NEMP2: variants seen among roughly 807,000 people sequenced by gnomAD.
NEMP2 encodes UPF0571 transmembrane protein.
In NEMP2, 53 loss-of-function variants were observed where a neutral mutation model predicts 54.2. That is an observed-to-expected ratio of 0.98 (90% CI 0.78 to 1.23). NEMP2 has a LOEUF of 1.23. NEMP2 is among the 50% of genes most tolerant of loss of function. The probability of loss-of-function intolerance (pLI) is 0.00; values close to 1 mark genes in which losing one functional copy is unlikely to be tolerated. For synonymous variants in NEMP2, 197 were observed against 190.3 expected (o/e 1.04, Z -0.29); for missense variants, 455 against 511.3 (o/e 0.89, Z 1.06).
the NEMP2 span, among the ~76,000 whole-genome samples, chr2:190,490,735 G>T: frequency 1.3e-5 from 2 of 152,180 alleles, no homozygotes; most frequent in African/African-American, 2.4e-5. The surrounding 1 kb of genome is among the most constrained non-coding windows in gnomAD (Gnocchi z 4.5). Flanking sequence ...CAACCAGGAG[G>T]ATGAAAATAT....
Position 190,521,097 on chromosome 2 carries a change from C to G in NEMP2, c.214-1914G>C, listed in dbSNP as rs1028300975. ...CTCACTTCAAATCCATGACTGTGAACTTAAGAGAGGGACATGAAAGTTGCA... is the reference window on the plus strand; with the variant it reads ...CTCACTTCAAATCCATGACTGTGAAGTTAAGAGAGGGACATGAAAGTTGCA... On this transcript the variant is annotated intron_variant, in intron 2 of 8. Coordinates refer to ENST00000409150, the MANE Select transcript of NEMP2 (RefSeq NM_001142645.2). This position sits in a 1 kb window ranked among gnomAD's most constrained non-coding sequence, Gnocchi z 6.2. Among the ~76,000 whole-genome samples, 4 of 152,170 alleles carry G rather than the reference C, an allele frequency of 2.6e-5. No homozygotes were observed. Among genetic ancestry groups the G allele is most frequent in the African/African-American group, 9.7e-5 (4 of 41,422 alleles).
chr2:190,488,179 G>A, the NEMP2 span, among the ~76,000 whole-genome samples: 1 of 152,208 alleles, frequency 6.6e-6, no homozygotes, highest in African/African-American at 2.4e-5. The surrounding 1 kb of genome is among the most constrained non-coding windows in gnomAD (Gnocchi z 6.4). Flanking sequence ...GGGATTACAG[G>A]CGTGAGCCAC....
chr2:190,600,493 G>A, the NEMP2 span, among the ~76,000 whole-genome samples: 1 of 152,208 alleles, frequency 6.6e-6, no homozygotes, highest in African/African-American at 2.4e-5. This position sits in a 1 kb window ranked among gnomAD's most constrained non-coding sequence, Gnocchi z 4.9. Context: ...TGAGGTGTTT[G>A]GGTCATGGGT....
chr2:190,568,485 G>A, the NEMP2 span, among the ~76,000 whole-genome samples: 2 of 152,118 alleles, frequency 1.3e-5, no homozygotes, highest in Non-Finnish European at 2.9e-5. This position sits in a 1 kb window ranked among gnomAD's most constrained non-coding sequence, Gnocchi z 4.7. Context: ...ATATATATAT[G>A]CCTCAGTTTT....
chr2:190,582,718 G>C, the NEMP2 span, among the ~76,000 whole-genome samples: 1 of 152,190 alleles, frequency 6.6e-6, no homozygotes, highest in Non-Finnish European at 1.5e-5. This position sits in a 1 kb window ranked among gnomAD's most constrained non-coding sequence, Gnocchi z 4.6. Context: ...GGGTGAGGAA[G>C]CATTTCTTAA....
At chr2:190,639,633 TGA>T in the NEMP2 span, among the ~76,000 whole-genome samples, 16 of 144,900 alleles carry the variant, frequency 1.1e-4, no homozygotes, top group Non-Finnish European at 1.8e-4. Flanking sequence ...TGTTTATTGT[TGA>T]GTTTTTTTTT....
Position 190,510,297 on chromosome 2 carries a change from C to G in NEMP2, c.1130+64G>C. The stretch of plus-strand genomic sequence containing the variant: ...CTACCCTGAAGTGCCTGTACCAAAC[C>G]ATCATATTATTTTTTAAATCATTCT... On this transcript the variant is annotated intron_variant, in intron 8 of 8. Coordinates refer to ENST00000409150, the MANE Select transcript of NEMP2 (RefSeq NM_001142645.2). This position sits in a 1 kb window ranked among gnomAD's most constrained non-coding sequence, Gnocchi z 5.7. The G allele has an allele frequency of 6.5e-7, 1 of 1,529,652 alleles. No homozygotes were observed. Among genetic ancestry groups the G allele is most frequent in the Admixed American group, 2.0e-5 (1 of 50,256 alleles). 94.8% of individuals were successfully genotyped at this position (1,529,652 alleles called of 1,614,324 possible).
upstream of NEMP2, among the ~76,000 whole-genome samples, chr2:190,539,488 T>C (rs1465752092): frequency 6.6e-6 from 1 of 152,160 alleles, no homozygotes; most frequent in Non-Finnish European, 1.5e-5. The surrounding 1 kb of genome is among the most constrained non-coding windows in gnomAD (Gnocchi z 4.1). Flanking sequence ...GTGAAGAATG[T>C]CATTGGTATT....
In NEMP2 at chr2:190,504,640, G is replaced by A. The variant is rs963293447; in HGVS notation, c.*4549C>T. Reference sequence around the variant, plus strand: ...TTCATTTTTCTTTTTCTTCTTAAAGGTGTCAACAAAAGTAAACAATTTTAT... The same window carrying A: ...TTCATTTTTCTTTTTCTTCTTAAAGATGTCAACAAAAGTAAACAATTTTAT... On this transcript the variant is annotated 3_prime_UTR_variant, in exon 9 of 9. Coordinates refer to ENST00000409150, the MANE Select transcript of NEMP2 (RefSeq NM_001142645.2). The surrounding 1 kb of genome is among the most constrained non-coding windows in gnomAD (Gnocchi z 5.6). 2 of 152,048 alleles carry A rather than the reference G, an allele frequency of 1.3e-5. No homozygotes were observed. The highest frequency in any genetic ancestry group is 4.8e-5 in the African/African-American group (2 of 41,378). 9.4% of individuals were successfully genotyped at this position (152,048 alleles called of 1,614,324 possible).
chr2:190,576,045 T>C, the NEMP2 span, among the ~76,000 whole-genome samples: 2 of 151,948 alleles, frequency 1.3e-5, no homozygotes, highest in African/African-American at 2.4e-5. Flanking sequence ...CGTGGTTTAC[T>C]GCAGCCTCAA....
the NEMP2 span, among the ~76,000 whole-genome samples, chr2:190,597,635 T>C: frequency 6.6e-6 from 1 of 152,158 alleles, no homozygotes; most frequent in Non-Finnish European, 1.5e-5. The surrounding 1 kb of genome is among the most constrained non-coding windows in gnomAD (Gnocchi z 4.7). Flanking sequence ...AAAACCAAAC[T>C]GATGGAGGTG....
the NEMP2 span, among the ~76,000 whole-genome samples, chr2:190,428,182 G>C: frequency 6.6e-6 from 1 of 152,100 alleles, no homozygotes; most frequent in Non-Finnish European, 1.5e-5. Flanking sequence ...TGTAGTTGTA[G>C]TTTGTTCATT....
upstream of NEMP2, among the ~76,000 whole-genome samples, chr2:190,537,306 G>A (rs765827897): frequency 3.3e-5 from 5 of 152,148 alleles, no homozygotes; most frequent in South Asian, 2.1e-4. Flanking sequence ...TGGCTGTCTC[G>A]CCACCCAAAT....
At chr2:190,437,163 C>G in the NEMP2 span, 1 of 1,614,244 alleles carries the variant, frequency 6.2e-7, no homozygotes, top group Admixed American at 1.7e-5. This position sits in a 1 kb window ranked among gnomAD's most constrained non-coding sequence, Gnocchi z 5.9. Context: ...TCGGCGTTCT[C>G]ATGACCATGG....
chr2:190,609,020 G>C, the NEMP2 span: 1 of 152,156 alleles, frequency 6.6e-6, no homozygotes, highest in Non-Finnish European at 1.5e-5. This position sits in a 1 kb window ranked among gnomAD's most constrained non-coding sequence, Gnocchi z 4.7. Flanking sequence ...ATTACAGCAT[G>C]CTCTTGGCAT....
chr2:190,581,547 T>C, the NEMP2 span, among the ~76,000 whole-genome samples: 1 of 152,222 alleles, frequency 6.6e-6, no homozygotes, highest in African/African-American at 2.4e-5. Context: ...TAGTTTATAA[T>C]GTACACTTTT....
At chr2:190,469,057 T>G in the NEMP2 span, among the ~76,000 whole-genome samples, 3 of 152,178 alleles carry the variant, frequency 2.0e-5, no homozygotes, top group African/African-American at 7.2e-5. This position sits in a 1 kb window ranked among gnomAD's most constrained non-coding sequence, Gnocchi z 5.3. Flanking sequence ...TTCTTTCTAC[T>G]TATACTTTTG....
At chr2:190,640,127 CA>C in the NEMP2 span, among the ~76,000 whole-genome samples, 1 of 152,198 alleles carries the variant, frequency 6.6e-6, no homozygotes, top group South Asian at 2.1e-4. Flanking sequence ...GAGCATTTCT[CA>C]ATATTATTAA....
rs906109863 is a variant in NEMP2 at position 190,529,651 on chromosome 2, C to T, written c.98-4273G>A. On this transcript the variant is annotated intron_variant, in intron 1 of 8. Coordinates refer to ENST00000409150, the MANE Select transcript of NEMP2 (RefSeq NM_001142645.2). This position sits in a 1 kb window ranked among gnomAD's most constrained non-coding sequence, Gnocchi z 4.7. The stretch of plus-strand genomic sequence containing the variant: ...ATGTTTATCACTGTAACCCCCAGAA[C>T]TTAAATATTTATCTTTTGTGTGTAG... Among the ~76,000 whole-genome samples the T allele has an allele frequency of 1.3e-5, 2 of 152,198 alleles. No individual in the cohort carries two copies. Among genetic ancestry groups the T allele is most frequent in the Non-Finnish European group, 2.9e-5 (2 of 68,038 alleles).
Sources: allele counts gnomAD v4.1 joint callset (sites outside exome capture counted in the v4.1 genomes callset), GRCh38; gene constraint gnomAD v4.1.1; non-coding constraint Gnocchi (gnomAD v3.1); transcripts MANE v1.5; gene names NCBI Gene and HGNC (gene_info 2026-07-23, HGNC 2026-07-21).